Variants in PDK1 observed in about 807,000 individuals in gnomAD.
PDK1 encodes [Pyruvate dehydrogenase (acetyl-transferring)] kinase isozyme 1, mitochondrial.
In PDK1, 39 loss-of-function variants were observed where a neutral mutation model predicts 54.2. The ratio of observed to expected loss-of-function variants is 0.72; its 90% CI spans 0.56 to 0.94. The LOEUF (loss-of-function observed/expected upper bound fraction) is 0.94, where lower values mean the gene tolerates loss of function less well. Ranked by LOEUF, PDK1 falls within the 40% of genes least tolerant of loss-of-function variation. The pLI is 0.00. For missense variants in PDK1, 552 were observed against 566.0 expected, an observed-to-expected ratio of 0.98 and a Z score of 0.25; for synonymous variants, 221 against 207.1, an observed-to-expected ratio of 1.07 and a Z score of -0.58.
chr2:172,679,132 T>G, the PDK1 span: 1 of 152,200 alleles, frequency 6.6e-6, no homozygotes, highest in South Asian at 2.1e-4. Flanking sequence ...GTTTGAAACT[T>G]CCCTAAATTT....
At chr2:172,689,852 A>C in the PDK1 span, among the ~76,000 whole-genome samples, 2 of 150,422 alleles carry the variant, frequency 1.3e-5, no homozygotes, top group Non-Finnish European at 3.0e-5. Flanking sequence ...AATTAATTCA[A>C]GATGGATTAA....
the PDK1 span, among the ~76,000 whole-genome samples, chr2:172,644,334 C>G: frequency 6.6e-6 from 1 of 152,232 alleles, no homozygotes; most frequent in Non-Finnish European, 1.5e-5. Flanking sequence ...TTAAATAGTT[C>G]AGGCTCTAAA....
chr2:172,684,359 T>C, the PDK1 span, among the ~76,000 whole-genome samples: 2 of 152,000 alleles, frequency 1.3e-5, no homozygotes, highest in African/African-American at 4.8e-5. Context: ...GAGGTGGAGA[T>C]TGCAGTGAGC....
the PDK1 span, among the ~76,000 whole-genome samples, chr2:172,688,977 A>G: frequency 1.3e-5 from 2 of 152,188 alleles, no homozygotes; most frequent in South Asian, 2.1e-4. Context: ...GCCCGGACCC[A>G]AAGAGTGAGC....
chr2:172,721,599 A>G, the PDK1 span, among the ~76,000 whole-genome samples: 1 of 152,262 alleles, frequency 6.6e-6, no homozygotes, highest in African/African-American at 2.4e-5. Context: ...CAGCCTCCCA[A>G]AGTGCTGGGA....
chr2:172,663,610 AG>A, the PDK1 span, among the ~76,000 whole-genome samples: 1 of 152,256 alleles, frequency 6.6e-6, no homozygotes, highest in African/African-American at 2.4e-5. Flanking sequence ...GGGGTCCTGG[AG>A]AAACTCCAAC....
At chr2:172,565,944 T>G (rs1252187736) in intron 5 of PDK1, among the ~76,000 whole-genome samples, 1 of 152,236 alleles carries the variant, frequency 6.6e-6, no homozygotes, top group African/African-American at 2.4e-5. Context: ...TTACCACCAA[T>G]ACCAGCAGTA....
the PDK1 span, among the ~76,000 whole-genome samples, chr2:172,672,631 T>TA: frequency 2.1e-4 from 32 of 151,476 alleles, no homozygotes; most frequent in East Asian, 2.7e-3. Context: ...TTTTTTTTTT[T>TA]AAAAAACAAG....
the PDK1 span, among the ~76,000 whole-genome samples, chr2:172,623,032 C>A: frequency 2.6e-5 from 4 of 151,632 alleles, no homozygotes; most frequent in African/African-American, 9.7e-5. Flanking sequence ...TGCCTGTAAT[C>A]CCAGCTACTT....
At chr2:172,642,808 C>CCTCCTT in the PDK1 span, among the ~76,000 whole-genome samples, 1 of 144,666 alleles carries the variant, frequency 6.9e-6, no homozygotes, top group African/African-American at 2.5e-5. Context: ...TCCTCCTCCT[C>CCTCCTT]CTTCTTCTTC....
the PDK1 span, among the ~76,000 whole-genome samples, chr2:172,712,183 T>C: frequency 2.0e-5 from 3 of 152,198 alleles, no homozygotes; most frequent in Admixed American, 6.5e-5. Flanking sequence ...CTGTAATAAA[T>C]TGTAACAAAT....
the PDK1 span, among the ~76,000 whole-genome samples, chr2:172,617,064 T>G: frequency 6.6e-6 from 1 of 152,106 alleles, no homozygotes; most frequent in Non-Finnish European, 1.5e-5. Flanking sequence ...ATTCTCCTGC[T>G]TCAGCATCCT....
chr2:172,646,214 A>T, the PDK1 span, among the ~76,000 whole-genome samples: 296 of 152,352 alleles, frequency 1.9e-3, no homozygotes, highest in African/African-American at 7.0e-3. Context: ...TGATTCTCAT[A>T]CAAAAGGAGT....
chr2:172,629,405 AAGAAGTAGCTGGACGTCAGAG>A, the PDK1 span, among the ~76,000 whole-genome samples: 1 of 152,176 alleles, frequency 6.6e-6, no homozygotes, highest in Admixed American at 6.5e-5. Context: ...GGAAGAAGAG[AAGAAGTAGCTGGACGTCAGAG>A]AGAAGCAGCT....
chr2:172,683,706 T>G, the PDK1 span, among the ~76,000 whole-genome samples: 1 of 152,166 alleles, frequency 6.6e-6, no homozygotes, highest in Non-Finnish European at 1.5e-5. Context: ...TGGGGATGAG[T>G]AAAGTTACAA....
intron 3 of PDK1, 150 bp from the exon 4 acceptor site, chr2:172,564,353 A>G: frequency 3.3e-6 from 2 of 607,088 alleles, no homozygotes; most frequent in South Asian, 2.2e-5. Context: ...ATGATCTGAA[A>G]TACATTTAAA....
the PDK1 span, among the ~76,000 whole-genome samples, chr2:172,720,081 G>T: frequency 6.7e-6 from 1 of 148,528 alleles, no homozygotes; most frequent in Non-Finnish European, 1.5e-5. Context: ...TTGCTGCTTG[G>T]GTGTCAAAGA....
At chr2:172,651,607 T>A in the PDK1 span, among the ~76,000 whole-genome samples, 5 of 152,164 alleles carry the variant, frequency 3.3e-5, no homozygotes, top group African/African-American at 9.6e-5. Flanking sequence ...AAGAATCAAA[T>A]AGACGCAATA....
chr2:172,646,186 T>A, the PDK1 span, among the ~76,000 whole-genome samples: 12 of 152,330 alleles, frequency 7.9e-5, no homozygotes, highest in Admixed American at 2.6e-4. Flanking sequence ...TGACTTCTTA[T>A]ATATGTCTGT....
Sources: allele counts gnomAD v4.1 joint callset (sites outside exome capture counted in the v4.1 genomes callset), GRCh38; gene constraint gnomAD v4.1.1; transcripts MANE v1.5; gene names NCBI Gene and HGNC (gene_info 2026-07-23, HGNC 2026-07-21).